Variants in VPS13B observed in about 807,000 individuals in gnomAD.
VPS13B encodes the protein vacuolar protein sorting 13 homolog B, also known as intermembrane lipid transfer protein VPS13B.
VPS13B carries 285 observed loss-of-function variants against 426.4 expected under a neutral mutation model. That is an observed-to-expected ratio of 0.67 (90% CI 0.61 to 0.74). The LOEUF is 0.74. Among genes scored for constraint, VPS13B ranks in the 30% least tolerant of loss-of-function variants. The pLI is 0.00. For synonymous variants in VPS13B, 1,676 were observed against 1,676.4 expected (o/e 1.00, Z 0.01); for missense variants, 4,537 against 4,782.6 (o/e 0.95, Z 1.51).
intron 19 of VPS13B, among the ~76,000 whole-genome samples, chr8:99,336,576 A>T (rs919737614): frequency 1.3e-5 from 2 of 152,142 alleles, no homozygotes; most frequent in African/African-American, 2.4e-5. Flanking sequence ...AGTGCAGGCA[A>T]CCTACAAAAT....
chr8:99,283,996 G>A (rs1042533303), intron 19 of VPS13B, among the ~76,000 whole-genome samples: 9 of 151,994 alleles, frequency 5.9e-5, no homozygotes, highest in Non-Finnish European at 1.3e-4. Flanking sequence ...CACACAAGAC[G>A]AAAGGTGTGG....
chr8:99,427,850 C>G (rs999608217), intron 21 of VPS13B, among the ~76,000 whole-genome samples: 12 of 152,144 alleles, frequency 7.9e-5, no homozygotes, highest in African/African-American at 2.9e-4. Flanking sequence ...GCCAAAAGAA[C>G]AAAGCTGGAG....
At chr8:99,087,418 G>A (rs998516731) in intron 3 of VPS13B, among the ~76,000 whole-genome samples, 1 of 152,036 alleles carries the variant, frequency 6.6e-6, no homozygotes, top group African/African-American at 2.4e-5. Flanking sequence ...GTGAGGCAGT[G>A]CCTCACCCTG....
rs1368487967 is a variant in VPS13B, at chr8:99,121,705, C to G, written c.1206+260C>G. ...TAGTTTTTTGCCCTATTGAATCATT[C>G]AGTTGGTGTACAAACATGCCTTAAT... On this transcript the variant is annotated intron_variant, in intron 8 of 61. Transcript: ENST00000357162. The G allele has an allele frequency of 1.2e-5, 11 of 882,834 alleles. No homozygotes were observed. In the Admixed American group the frequency reaches 2.2e-4, roughly 18 times the overall value. The allele number at this position is 882,834 out of a possible 1,614,324, so 54.7% of individuals were successfully genotyped here.
At chr8:99,667,672 A>G (rs1667638) in intron 35 of VPS13B, among the ~76,000 whole-genome samples, 20,632 of 152,182 alleles carry the variant, frequency 0.14, 1,949 homozygotes, top group East Asian at 0.39. Flanking sequence ...ATGTTATTTC[A>G]TAGAGTAATT....
chr8:99,081,356 T>G (rs188116855), intron 3 of VPS13B, among the ~76,000 whole-genome samples: 21 of 152,364 alleles, frequency 1.4e-4, no homozygotes, highest in African/African-American at 4.8e-4. Context: ...CTCAATGTTT[T>G]TATCTAGTCA....
chr8:99,013,826 A>G lies in VPS13B; in HGVS notation c.38A>G (p.Tyr13Cys). Reference sequence around the variant, plus strand: ...TATGTAACTCCAATTTTAATGAGCTATGTGAATCGCTACATCAAGAACTTA... The same window carrying G: ...TATGTAACTCCAATTTTAATGAGCTGTGTGAATCGCTACATCAAGAACTTA... ...ESYVTPILMSYVNRYIKNLKP... is the reference protein window; with the variant it reads ...ESYVTPILMSCVNRYIKNLKP... Residue 13 changes from tyrosine (Y) to cysteine (C), a missense_variant, in exon 2 of 62, where the codon TAT becomes TGT. This residue lies in a region of VPS13B where 226 missense variants were observed against 308.3 expected (regional missense o/e 0.73). Transcript: ENST00000357162. The G allele has an allele frequency of 1.9e-6, 3 of 1,614,218 alleles. No individual in the cohort carries two copies. Among genetic ancestry groups the G allele is most frequent in the South Asian group, 1.1e-5 (1 of 91,092 alleles).
chr8:99,539,515 G>A (rs552601806), intron 30 of VPS13B, among the ~76,000 whole-genome samples: 78 of 152,302 alleles, frequency 5.1e-4, no homozygotes, highest in African/African-American at 1.8e-3. Context: ...GGAGGCCAAG[G>A]TGGGAGTATT....
intron 17 of VPS13B, chr8:99,233,609 C>A: frequency 8.4e-7 from 1 of 1,195,656 alleles, no homozygotes; most frequent in South Asian, 1.2e-5. Flanking sequence ...AAAGGCCTCA[C>A]GCAGCTTCTT....
At chr8:99,622,285 C>T (rs1380080735) in intron 33 of VPS13B, among the ~76,000 whole-genome samples, 6 of 152,134 alleles carry the variant, frequency 3.9e-5, no homozygotes, top group Admixed American at 6.5e-5. Context: ...GTGAGATCTG[C>T]AGAGATTACG....
At chr8:99,868,801 G>A (rs982930231) in intron 59 of VPS13B, among the ~76,000 whole-genome samples, 2 of 152,232 alleles carry the variant, frequency 1.3e-5, no homozygotes, top group African/African-American at 4.8e-5. Context: ...AATGTGGAAG[G>A]AGAGAGAGGC....
chr8:99,206,894 T>C (rs55873493), intron 17 of VPS13B, among the ~76,000 whole-genome samples: 1 of 151,160 alleles, frequency 6.6e-6, no homozygotes, highest in African/African-American at 2.4e-5. Flanking sequence ...AAGATATATA[T>C]TTTTGAGATG....
intron 16 of VPS13B, among the ~76,000 whole-genome samples, chr8:99,177,234 G>A (rs969768984): frequency 6.6e-6 from 1 of 152,078 alleles, no homozygotes; most frequent in Admixed American, 6.6e-5. Context: ...TTTTTTTTAT[G>A]ACATGGACCA....
At chr8:99,464,936 A>T (rs1230657888) in intron 23 of VPS13B, among the ~76,000 whole-genome samples, 1 of 152,192 alleles carries the variant, frequency 6.6e-6, no homozygotes, top group Non-Finnish European at 1.5e-5. Flanking sequence ...AGAGATTCTC[A>T]ATCTTCCTGC....
intron 19 of VPS13B, among the ~76,000 whole-genome samples, chr8:99,324,874 A>G (rs1810160640): frequency 6.6e-6 from 1 of 152,132 alleles, no homozygotes; most frequent in South Asian, 2.1e-4. Context: ...TATGGTTTTA[A>G]AAATTGTTGT....
At chr8:99,414,511 T>C (rs1815880265) in intron 21 of VPS13B, among the ~76,000 whole-genome samples, 2 of 152,180 alleles carry the variant, frequency 1.3e-5, no homozygotes, top group Admixed American at 6.5e-5. Flanking sequence ...TTCTTCATAG[T>C]GTCAATGGTC....
chr8:99,083,123 C>T, intron 3 of VPS13B, among the ~76,000 whole-genome samples: 1 of 152,106 alleles, frequency 6.6e-6, no homozygotes, highest in East Asian at 1.9e-4. Flanking sequence ...TTGTTTGTAT[C>T]CTCTTTTATT....
chr8:99,713,142 A>G (rs1361547898), intron 36 of VPS13B, among the ~76,000 whole-genome samples: 1 of 152,222 alleles, frequency 6.6e-6, no homozygotes, highest in Non-Finnish European at 1.5e-5. Context: ...TATATGTATT[A>G]TGTTATTTCT....
chr8:99,788,660 G>T (rs147459596), intron 43 of VPS13B, among the ~76,000 whole-genome samples: 40 of 152,240 alleles, frequency 2.6e-4, no homozygotes, highest in African/African-American at 9.4e-4. Flanking sequence ...GTGTGCCAAT[G>T]AAACTGTATT....
Sources: allele counts gnomAD v4.1 joint callset (sites outside exome capture counted in the v4.1 genomes callset), GRCh38; gene constraint gnomAD v4.1.1; regional missense constraint gnomAD v4.1.1; transcripts MANE v1.5; gene names NCBI Gene and HGNC (gene_info 2026-07-23, HGNC 2026-07-21).